MECOM: variants seen among roughly 807,000 people sequenced by gnomAD.
MECOM encodes histone-lysine N-methyltransferase MECOM.
A neutral mutation model predicts 116.3 loss-of-function variants in MECOM; 13 were observed. The observed-to-expected ratio is 0.11, with a 90% confidence interval of 0.07 to 0.18. The LOEUF is 0.18. Ranked by LOEUF, MECOM falls within the 10% of genes least tolerant of loss-of-function variation. The pLI is 1.00. For synonymous variants in MECOM, 528 were observed against 535.2 expected (o/e 0.99, Z 0.19); for missense variants, 1,299 against 1,509.0 (o/e 0.86, Z 2.31).
At chr3:169,454,304 T>A (rs1465635442) in intron 1 of MECOM, among the ~76,000 whole-genome samples, 6 of 151,736 alleles carry the variant, frequency 4.0e-5, no homozygotes, top group Non-Finnish European at 8.8e-5. Flanking sequence ...TGGGAACTTT[T>A]ATTAAGGTTT....
intron 1 of MECOM, among the ~76,000 whole-genome samples, chr3:169,520,329 C>T (rs1188367633): frequency 6.6e-6 from 1 of 152,100 alleles, no homozygotes; most frequent in East Asian, 1.9e-4. Context: ...CACAAGTGTC[C>T]TGATGAAATA....
chr3:169,414,164 C>T (rs1386097977), intron 1 of MECOM, among the ~76,000 whole-genome samples: 4 of 152,152 alleles, frequency 2.6e-5, no homozygotes, highest in Non-Finnish European at 5.9e-5. Flanking sequence ...GTGGGTGCCC[C>T]CCTGGTATGA....
intron 2 of MECOM, among the ~76,000 whole-genome samples, chr3:169,303,340 G>GATATAT (rs148215690): frequency 0.049 from 7,343 of 149,742 alleles, 505 homozygotes; most frequent in African/African-American, 0.16. Flanking sequence ...ACTTGAAACA[G>GATATAT]ATATATATAT....
chr3:169,511,552 G>A (rs573915485), intron 1 of MECOM, among the ~76,000 whole-genome samples: 29 of 152,186 alleles, frequency 1.9e-4, no homozygotes, highest in South Asian at 1.0e-3. Context: ...ACTTGAGGCC[G>A]GGAGTTCAAG....
At chr3:169,297,647 TTA>T (rs913044451) in intron 2 of MECOM, among the ~76,000 whole-genome samples, 2 of 152,126 alleles carry the variant, frequency 1.3e-5, no homozygotes, top group African/African-American at 2.4e-5. Flanking sequence ...AAATATTATT[TTA>T]AAAAAAATCA....
At chr3:169,204,511 C>T (rs1036367630) in intron 2 of MECOM, among the ~76,000 whole-genome samples, 4 of 152,258 alleles carry the variant, frequency 2.6e-5, no homozygotes, top group Middle Eastern at 3.4e-3. Flanking sequence ...TATGCCCCTG[C>T]CTACTCTGCA....
chr3:169,248,798 G>GCATA, intron 2 of MECOM, among the ~76,000 whole-genome samples: 1 of 152,282 alleles, frequency 6.6e-6, no homozygotes, highest in Admixed American at 6.5e-5. Context: ...TGTAAGTAGG[G>GCATA]CATAGTAAGT....
At chr3:169,633,757 A>G (rs1772372302) in intron 1 of MECOM, among the ~76,000 whole-genome samples, 1 of 152,138 alleles carries the variant, frequency 6.6e-6, no homozygotes, top group Non-Finnish European at 1.5e-5. Flanking sequence ...CAGCCAGCTC[A>G]AGAAGAGAGG....
chr3:169,638,052 C>T (rs1184542228), intron 1 of MECOM, among the ~76,000 whole-genome samples: 1 of 152,182 alleles, frequency 6.6e-6, no homozygotes, highest in East Asian at 1.9e-4. Context: ...TTTCATCTGA[C>T]ACCTGAAGGA....
chr3:169,375,862 C>T (rs1319700471), intron 2 of MECOM, among the ~76,000 whole-genome samples: 1 of 123,284 alleles, frequency 8.1e-6, no homozygotes, highest in Non-Finnish European at 1.8e-5. Context: ...CAAAACCTGG[C>T]AGAGACACAA....
chr3:169,502,899 C>A (rs1754704929), intron 1 of MECOM, among the ~76,000 whole-genome samples: 2 of 152,088 alleles, frequency 1.3e-5, no homozygotes. Flanking sequence ...GTTATCAATG[C>A]CTACTGTTGA....
intron 2 of MECOM, among the ~76,000 whole-genome samples, chr3:169,281,748 G>A (rs1560083823): frequency 6.6e-6 from 1 of 152,148 alleles, no homozygotes; most frequent in East Asian, 1.9e-4. Flanking sequence ...GGAGGTTGAT[G>A]CTACAGTGAG....
intron 1 of MECOM, among the ~76,000 whole-genome samples, chr3:169,549,208 G>GT (rs1462676611): frequency 1.3e-5 from 2 of 151,962 alleles, no homozygotes; most frequent in Non-Finnish European, 2.9e-5. Flanking sequence ...CTGACCTCAG[G>GT]TAATCCACCC....
intron 1 of MECOM, among the ~76,000 whole-genome samples, chr3:169,629,726 G>T (rs888612340): frequency 6.6e-6 from 1 of 152,162 alleles, no homozygotes; most frequent in South Asian, 2.1e-4. Context: ...TGGAACTACT[G>T]AATGGTCAGG....
intron 1 of MECOM, among the ~76,000 whole-genome samples, chr3:169,587,664 T>C (rs889487962): frequency 3.9e-5 from 6 of 152,156 alleles, no homozygotes; most frequent in Admixed American, 1.3e-4. Context: ...ACCTATAAAA[T>C]ATTTAGGAGG....
chr3:169,512,970 C>T (rs1319356531), intron 1 of MECOM, among the ~76,000 whole-genome samples: 2 of 152,206 alleles, frequency 1.3e-5, no homozygotes, highest in African/African-American at 4.8e-5. Flanking sequence ...GTGCTTCAAT[C>T]TTACCTTAAA....
In MECOM at chr3:169,591,431, C is replaced by T. The variant is rs566130173; in HGVS notation, c.37+71905G>A. On this transcript the variant is annotated intron_variant, in intron 1 of 16. Transcript: ENST00000651503. ...GAAATCCCTGGAATGATTGGAGAGT[C>T]GAGAGTCGGATGCACCAAGCCGAGA... Among the ~76,000 whole-genome samples, 49 of 152,168 alleles carry T rather than the reference C, an allele frequency of 3.2e-4. No individual in the cohort carries two copies. The South Asian group carries it at 1.0e-2, about 31-fold the overall frequency.
intron 2 of MECOM, among the ~76,000 whole-genome samples, chr3:169,198,571 CTTCTT>C (rs1272836486): frequency 6.6e-6 from 1 of 151,938 alleles, no homozygotes; most frequent in Non-Finnish European, 1.5e-5. Context: ...CCAAGCATCT[CTTCTT>C]TTATTTAATT....
At chr3:169,417,063 T>C (rs905581338) in intron 1 of MECOM, among the ~76,000 whole-genome samples, 1 of 151,774 alleles carries the variant, frequency 6.6e-6, no homozygotes, top group Non-Finnish European at 1.5e-5. Flanking sequence ...ACTTCATGTC[T>C]AAAACACCAA....
Sources: allele counts gnomAD v4.1 joint callset (sites outside exome capture counted in the v4.1 genomes callset), GRCh38; gene constraint gnomAD v4.1.1; transcripts MANE v1.5; gene names NCBI Gene and HGNC (gene_info 2026-07-23, HGNC 2026-07-21).